The following KCNH8 variants were observed in gnomAD, a reference collection of about 807,000 sequenced individuals.
KCNH8 encodes potassium voltage-gated channel subfamily H member 8, also known as voltage-gated delayed rectifier potassium channel KCNH8.
KCNH8 carries 70 observed loss-of-function variants against 103.6 expected under a neutral mutation model. The ratio of observed to expected loss-of-function variants is 0.68; its 90% confidence interval spans 0.56 to 0.82. The LOEUF is 0.82. KCNH8 is among the 40% of genes least tolerant of loss of function. The pLI, the probability that KCNH8 is intolerant of heterozygous loss-of-function variation, is 0.00. For synonymous variants in KCNH8, 498 were observed against 489.4 expected (o/e 1.02, Z -0.23); for missense variants, 1,217 against 1,329.9 (o/e 0.92, Z 1.32).
At chr3:19,239,116 A>T (rs2064102017) in intron 1 of KCNH8, among the ~76,000 whole-genome samples, 1 of 152,242 alleles carries the variant, frequency 6.6e-6, no homozygotes, top group Non-Finnish European at 1.5e-5. Context: ...AGCCTAAAAT[A>T]CAAGAGAACC....
At chr3:19,363,223 A>G (rs1486731278) in intron 5 of KCNH8, among the ~76,000 whole-genome samples, 3 of 152,158 alleles carry the variant, frequency 2.0e-5, no homozygotes, top group African/African-American at 7.2e-5. Context: ...GGCATCCTTT[A>G]TCTGCAGTAC....
At chr3:19,169,857 G>A (rs2063324103) in intron 1 of KCNH8, among the ~76,000 whole-genome samples, 1 of 152,168 alleles carries the variant, frequency 6.6e-6, no homozygotes, top group African/African-American at 2.4e-5. Context: ...TAATGACTGA[G>A]AAGTTGTATA....
chr3:19,374,749 T>A (rs1200964913), intron 5 of KCNH8, among the ~76,000 whole-genome samples: 1 of 152,230 alleles, frequency 6.6e-6, no homozygotes, highest in Non-Finnish European at 1.5e-5. Context: ...GTACTAGTTG[T>A]TCCTTTCCAT....
At position 19,534,149 on chromosome 3, in the gene KCNH8, C is replaced by T. The variant is rs892289992; in HGVS notation, c.*50C>T. 1 of 1,406,490 alleles carries T rather than the reference C, an allele frequency of 7.1e-7. No homozygotes were observed. The highest frequency in any genetic ancestry group is 9.9e-7 in the Non-Finnish European group (1 of 1,014,648). The allele number at this position is 1,406,490 out of a possible 1,614,324, so 87.1% of individuals were successfully genotyped here. A position where few individuals can be genotyped will look rare whatever the true frequency, so the allele number is the denominator to read the frequency against. On this transcript the variant is annotated 3_prime_UTR_variant, in exon 16 of 16. Transcript: ENST00000328405. ...TAATTTCAAACCTACCACTGCATGA[C>T]AGTTTTAGTTTGCCTTTTTGCCTCT...
intron 11 of KCNH8, among the ~76,000 whole-genome samples, chr3:19,494,522 CTCTT>C (rs982632429): frequency 2.0e-5 from 3 of 152,114 alleles, no homozygotes; most frequent in Non-Finnish European, 2.9e-5. Context: ...TCCAATAAAC[CTCTT>C]TCTTTTGTAA....
At chr3:19,148,916 C>A in intron 1 of KCNH8, 121 bp downstream of exon 1, 2 of 891,402 alleles carry the variant, frequency 2.2e-6, no homozygotes, top group South Asian at 1.4e-5. Context: ...CTGTTCTTGC[C>A]AAGGTATCTT....
At chr3:19,523,825 T>C (rs2125249676) in intron 15 of KCNH8, among the ~76,000 whole-genome samples, 1 of 152,014 alleles carries the variant, frequency 6.6e-6, no homozygotes, top group Admixed American at 6.6e-5. Context: ...TTAATTTTGC[T>C]CAAAATTCAA....
chr3:19,462,775 G>A (rs1184518828), intron 11 of KCNH8, among the ~76,000 whole-genome samples: 1 of 152,110 alleles, frequency 6.6e-6, no homozygotes, highest in Non-Finnish European at 1.5e-5. Context: ...ATGGTTTTAG[G>A]TCTAACATTT....
intron 1 of KCNH8, among the ~76,000 whole-genome samples, chr3:19,220,634 C>T (rs1383061361): frequency 6.6e-6 from 1 of 152,050 alleles, no homozygotes; most frequent in African/African-American, 2.4e-5. Flanking sequence ...CAACATTATC[C>T]ATGACCAACC....
chr3:19,357,980 G>T (rs1400492234), intron 5 of KCNH8, among the ~76,000 whole-genome samples: 1 of 151,820 alleles, frequency 6.6e-6, no homozygotes, highest in Non-Finnish European at 1.5e-5. Flanking sequence ...ACATGTTACT[G>T]TGCAGATTAT....
chr3:19,395,375 T>C (rs1484054753), intron 7 of KCNH8, 64 bp downstream of exon 7: 1 of 1,124,088 alleles, frequency 8.9e-7, no homozygotes, highest in Non-Finnish European at 1.3e-6. Context: ...ATCAAGAACT[T>C]GGAGGAAGTG....
chr3:19,395,166 G>C lies in KCNH8; in HGVS notation c.1032G>C (p.Lys344Asn). ...TGCGTCTTTTGCGTCTGCTGCAGAA[G>C]TTAGACCGCTATTCCCAACACAGTA... is the stretch of plus-strand genomic sequence containing the variant. ...RLLRLLRLLQ[K>N]LDRYSQHSTI... The change falls in exon 7 of 16, where the codon AAG (lysine) becomes AAC (asparagine). Residue 344 changes from lysine to asparagine, a missense_variant. Lys to Asn is a moderately conservative substitution (Grantham distance 94). Coordinates refer to ENST00000328405, the MANE Select transcript of KCNH8 (RefSeq NM_144633.3). 2 of 1,611,506 alleles carry C rather than the reference G, an allele frequency of 1.2e-6. No individual in the cohort carries two copies. Among genetic ancestry groups the C allele is most frequent in the Non-Finnish European group, 1.7e-6 (2 of 1,178,728 alleles).
At chr3:19,520,606 T>C (rs1437538506) in intron 15 of KCNH8, among the ~76,000 whole-genome samples, 1 of 152,044 alleles carries the variant, frequency 6.6e-6, no homozygotes, top group Non-Finnish European at 1.5e-5. Context: ...TTTGCCTATT[T>C]TCTACTAGTA....
intron 3 of KCNH8, among the ~76,000 whole-genome samples, chr3:19,301,098 G>T (rs1207864596): frequency 6.6e-6 from 1 of 151,354 alleles, no homozygotes; most frequent in African/African-American, 2.4e-5. Context: ...CCAGGGTTCA[G>T]TAACATTCCC....
At chr3:19,484,958 A>G (rs2125218170) in intron 11 of KCNH8, among the ~76,000 whole-genome samples, 1 of 152,224 alleles carries the variant, frequency 6.6e-6, no homozygotes, top group Middle Eastern at 3.4e-3. Flanking sequence ...GAGTGCATTT[A>G]ATTTTAAACA....
At chr3:19,154,202 T>A (rs1203365600) in intron 1 of KCNH8, among the ~76,000 whole-genome samples, 1 of 152,166 alleles carries the variant, frequency 6.6e-6, no homozygotes, top group Non-Finnish European at 1.5e-5. Flanking sequence ...AATGATTGTA[T>A]CATATATGAT....
rs76420741 is a variant in KCNH8 at position 19,369,529 on chromosome 3, G to A, written c.812-20952G>A. 6.3e-3 allele frequency among the ~76,000 whole-genome samples: 951 copies of A among 152,056 alleles called. 5 individuals are homozygous for A. Among genetic ancestry groups the A allele is most frequent in the African/African-American group, 0.021 (884 of 41,494 alleles). On this transcript the variant is annotated intron_variant, in intron 5 of 15. Coordinates refer to ENST00000328405, the MANE Select transcript of KCNH8 (RefSeq NM_144633.3). ...TTCGCCACCTAGCATTTCAATGTTGGTGGCCCCCAAAACAGTATCTTGAGC... is the reference window on the plus strand; with the variant it reads ...TTCGCCACCTAGCATTTCAATGTTGATGGCCCCCAAAACAGTATCTTGAGC...
chr3:19,194,828 A>C (rs575292734), intron 1 of KCNH8, among the ~76,000 whole-genome samples: 1 of 152,000 alleles, frequency 6.6e-6, no homozygotes, highest in South Asian at 2.1e-4. Context: ...TTCATTTTAA[A>C]TACTAAGTGG....
intron 15 of KCNH8, among the ~76,000 whole-genome samples, chr3:19,520,099 C>CT (rs1166028439): frequency 6.7e-6 from 1 of 148,700 alleles, no homozygotes; most frequent in Non-Finnish European, 1.5e-5. Context: ...TTAAATTATA[C>CT]TTTAAGTTCT....
Sources: gnomAD v4.1 joint callset for allele counts (sites outside exome capture counted in the v4.1 genomes callset) on GRCh38, gnomAD v4.1.1 for gene constraint, MANE v1.5 for transcripts, NCBI Gene and HGNC (gene_info 2026-07-23, HGNC 2026-07-21) for gene names.